TYW1B: variants seen among roughly 807,000 people sequenced by gnomAD.
TYW1B encodes the protein tRNA-yW synthesizing protein 1 homolog B, also known as S-adenosyl-L-methionine-dependent tRNA 4-demethylwyosine synthase TYW1B.
TYW1B carries 73 observed loss-of-function variants against 86.9 expected under a neutral mutation model. The observed-to-expected ratio is 0.84, with a 90% CI of 0.70 to 1.02. The LOEUF is 1.02. Ranked by LOEUF, TYW1B falls within the 50% of genes least tolerant of loss-of-function variation. The pLI, the probability that TYW1B is intolerant of heterozygous loss-of-function variation, is 0.00. For missense variants in TYW1B, 637 were observed against 827.4 expected (o/e 0.77, Z 2.82); for synonymous variants, 248 against 292.8 (o/e 0.85, Z 1.56).
rs184245088 is a variant in TYW1B, at chr7:72,783,121, G to A, written c.847-5588C>T. Among the ~76,000 whole-genome samples the A allele has an allele frequency of 8.1e-4, 123 of 151,644 alleles. 1 individual carries two copies. The highest frequency in any genetic ancestry group is 5.7e-3 in the Admixed American group (86 of 15,210). Reference sequence around the variant, plus strand: ...ACTTTCAATATTAAAAACTCAGGTCGGACGTGGTGGCTCACGCCTGTAATC... The same window carrying A: ...ACTTTCAATATTAAAAACTCAGGTCAGACGTGGTGGCTCACGCCTGTAATC... On this transcript the variant is annotated intron_variant, in intron 6 of 13. Coordinates refer to ENST00000620995, the MANE Select transcript of TYW1B (RefSeq NM_001145440.3).
At chr7:72,703,014 A>C (rs868941207) in intron 10 of TYW1B, among the ~76,000 whole-genome samples, 8 of 49,004 alleles carry the variant, frequency 1.6e-4, no homozygotes, top group African/African-American at 4.5e-4. Context: ...ATATATATAT[A>C]TATATATATA....
chr7:72,811,626 T>C (rs1554478268), intron 3 of TYW1B, among the ~76,000 whole-genome samples: 1 of 151,952 alleles, frequency 6.6e-6, no homozygotes, highest in Non-Finnish European at 1.5e-5. Context: ...AGGCAGTGGA[T>C]GTTGGCTGGG....
intron 13 of TYW1B, among the ~76,000 whole-genome samples, chr7:72,578,190 T>C (rs1254253970): frequency 1.3e-5 from 2 of 150,652 alleles, no homozygotes; most frequent in Non-Finnish European, 2.9e-5. Flanking sequence ...CTCGGCTCAC[T>C]GCAAGCTCTG....
chr7:72,734,400 C>T (rs1437526163), intron 8 of TYW1B, among the ~76,000 whole-genome samples: 4 of 152,024 alleles, frequency 2.6e-5, no homozygotes, highest in Non-Finnish European at 4.4e-5. Context: ...AACCAATTTT[C>T]GACAAAGGTG....
intron 7 of TYW1B, among the ~76,000 whole-genome samples, chr7:72,774,326 A>G (rs1787916037): frequency 1.4e-5 from 1 of 69,356 alleles, no homozygotes; most frequent in African/African-American, 6.2e-5. Context: ...AGAAGCCATA[A>G]AAGTGAGATA....
chr7:72,576,991 G>A (rs1563016136), intron 13 of TYW1B, among the ~76,000 whole-genome samples: 1 of 152,010 alleles, frequency 6.6e-6, no homozygotes, highest in Non-Finnish European at 1.5e-5. Flanking sequence ...GCCAGGCGTG[G>A]TGGTGTGTGC....
chr7:72,704,651 CA>C (rs1302160050), intron 10 of TYW1B, among the ~76,000 whole-genome samples: 1 of 151,738 alleles, frequency 6.6e-6, no homozygotes, highest in Non-Finnish European at 1.5e-5. Flanking sequence ...ATATTTTGAC[CA>C]ACATTACTTA....
chr7:72,828,036 G>A (rs1554481786), intron 1 of TYW1B, 36 bp downstream of exon 1: 1 of 1,613,242 alleles, frequency 6.2e-7, no homozygotes, highest in Non-Finnish European at 8.5e-7. Flanking sequence ...TACCTCCCCT[G>A]CCGCCCCAGG....
At chr7:72,703,009 TATATATATATATA>T (rs1373940615) in intron 10 of TYW1B, among the ~76,000 whole-genome samples, 6 of 30,344 alleles carry the variant, frequency 2.0e-4, no homozygotes, top group African/African-American at 5.3e-4. Context: ...TATATATATA[TATATATATATATA>T]TATATTTTTT....
intron 9 of TYW1B, among the ~76,000 whole-genome samples, chr7:72,720,904 C>A (rs1224047073): frequency 6.9e-6 from 1 of 145,464 alleles, no homozygotes; most frequent in Non-Finnish European, 1.5e-5. Flanking sequence ...CCCCCTCCCC[C>A]CAACCCATGA....
intron 11 of TYW1B, 74 bp downstream of exon 11, chr7:72,694,613 C>T (rs1554451054): frequency 1.5e-6 from 2 of 1,368,320 alleles, no homozygotes; most frequent in African/African-American, 1.5e-5. Context: ...TCTTTTCTTC[C>T]ATCTTTCTTT....
At chr7:72,815,518 A>G (rs778240063) in intron 2 of TYW1B, 37 bp from the exon 3 acceptor site, 24 of 1,571,592 alleles carry the variant, frequency 1.5e-5, no homozygotes, top group Non-Finnish European at 2.1e-5. Flanking sequence ...TAAAGTCTTC[A>G]ATGAGCCAAA....
intron 7 of TYW1B, among the ~76,000 whole-genome samples, chr7:72,749,242 T>C (rs1182656690): frequency 1.3e-5 from 2 of 152,218 alleles, no homozygotes; most frequent in Non-Finnish European, 2.9e-5. Flanking sequence ...TATCATCTTT[T>C]CAATGGCTGC....
chr7:72,575,239 T>C lies in TYW1B; in HGVS notation c.*259A>G. The C allele has an allele frequency of 7.6e-7, 1 of 1,322,380 alleles. No individual in the cohort carries two copies. The highest frequency in any genetic ancestry group is 9.7e-7 in the Non-Finnish European group (1 of 1,032,842). 81.9% of individuals were successfully genotyped at this position (1,322,380 alleles called of 1,614,324 possible). ...CAGTTAAATTCTAATCACGACTGTGTAGTTCCTCCCCAAAATAATTTTCCT... is the reference window on the plus strand; with the variant it reads ...CAGTTAAATTCTAATCACGACTGTGCAGTTCCTCCCCAAAATAATTTTCCT... On this transcript the variant is annotated 3_prime_UTR_variant, in exon 14 of 14. Coordinates refer to ENST00000620995, the MANE Select transcript of TYW1B (RefSeq NM_001145440.3).
intron 6 of TYW1B, among the ~76,000 whole-genome samples, chr7:72,798,008 TATACAC>T (rs1269393167): frequency 3.9e-4 from 23 of 58,832 alleles, no homozygotes; most frequent in Admixed American, 3.9e-3. Flanking sequence ...TATTTATATA[TATACAC>T]ACACACACAC....
chr7:72,785,278 T>C (rs1788107916), intron 6 of TYW1B, among the ~76,000 whole-genome samples: 1 of 148,726 alleles, frequency 6.7e-6, no homozygotes, highest in East Asian at 1.9e-4. Context: ...AATTATTAAT[T>C]ATTATAGTTA....
intron 11 of TYW1B, among the ~76,000 whole-genome samples, chr7:72,660,586 G>A (rs1206439689): frequency 3.9e-5 from 6 of 152,094 alleles, no homozygotes; most frequent in East Asian, 1.9e-4. Context: ...CCAGTTTCCC[G>A]TTTGCAAAAT....
At chr7:72,713,821 C>T in intron 9 of TYW1B, 23 bp from the exon 10 acceptor site, 1 of 1,540,580 alleles carries the variant, frequency 6.5e-7, no homozygotes, top group Non-Finnish European at 8.8e-7. Flanking sequence ...GTGAGAAGGA[C>T]CCAGCTACAT....
At chr7:72,723,248 A>T (rs1228394834) in intron 9 of TYW1B, among the ~76,000 whole-genome samples, 1 of 152,116 alleles carries the variant, frequency 6.6e-6, no homozygotes, top group Non-Finnish European at 1.5e-5. Context: ...GTTATTTGTT[A>T]AAAAAAGAGT....
Sources: gnomAD v4.1 joint callset for allele counts (sites outside exome capture counted in the v4.1 genomes callset) on GRCh38, gnomAD v4.1.1 for gene constraint, MANE v1.5 for transcripts, NCBI Gene and HGNC (gene_info 2026-07-23, HGNC 2026-07-21) for gene names.